The following ACSF3 variants were observed in gnomAD, a reference collection of about 807,000 sequenced individuals.
ACSF3 encodes malonate--CoA ligase ACSF3, mitochondrial.
ACSF3 carries 78 observed loss-of-function variants against 53.2 expected under a neutral mutation model. That is an observed-to-expected ratio of 1.47 (90% CI 1.22 to 1.77). The LOEUF is 1.77. Ranked by LOEUF, ACSF3 falls within the 40% of genes most tolerant of loss-of-function variation. The pLI, the probability that ACSF3 is intolerant of heterozygous loss-of-function variation, is 0.00. For synonymous variants in ACSF3, 414 were observed against 333.1 expected, an observed-to-expected ratio of 1.24 and a Z score of -2.65; for missense variants, 937 against 771.1, an observed-to-expected ratio of 1.22 and a Z score of -2.55.
At position 89,155,340 on chromosome 16, in the gene ACSF3, C is replaced by G. The variant is rs1567760241; in HGVS notation, c.*1133C>G. 1 of 451,870 alleles carries G rather than the reference C, an allele frequency of 2.2e-6. No individual in the cohort carries two copies. The highest frequency in any genetic ancestry group is 4.4e-6 in the Non-Finnish European group (1 of 224,910). 28.0% of individuals were successfully genotyped at this position (451,870 alleles called of 1,614,324 possible). ...GAGTGTGCCGGGCAGGAGGCCAGCC[C>G]CATCTCAGGCTCACGTGCCTCTGAC... On this transcript the variant is annotated 3_prime_UTR_variant, in exon 11 of 11. Coordinates refer to ENST00000614302, the MANE Select transcript of ACSF3 (RefSeq NM_001243279.3).
chr16:89,144,171 A>C (rs556196728), intron 8 of ACSF3, among the ~76,000 whole-genome samples: 1 of 152,200 alleles, frequency 6.6e-6, no homozygotes, highest in Non-Finnish European at 1.5e-5. Context: ...ACAGGCTCTG[A>C]GGCTGCAGCC....
At chr16:89,094,484 C>A (rs1359090616) in intron 1 of ACSF3, among the ~76,000 whole-genome samples, 1 of 152,166 alleles carries the variant, frequency 6.6e-6, no homozygotes, top group Non-Finnish European at 1.5e-5. Flanking sequence ...GACGTGCGGC[C>A]GGCCGTGAAG....
chr16:89,151,094 C>T (rs769916386), intron 10 of ACSF3: 18 of 1,263,154 alleles, frequency 1.4e-5, no homozygotes, highest in South Asian at 1.1e-4. Flanking sequence ...AACGAAACCT[C>T]GCCTCAGGCA....
intron 2 of ACSF3, 51 bp from the exon 3 acceptor site, chr16:89,100,610 CG>C (rs2094233201): frequency 1.3e-6 from 2 of 1,524,742 alleles, no homozygotes; most frequent in Admixed American, 2.0e-5. Context: ...GTCTTGGCCA[CG>C]TTTGGATGGG....
At chr16:89,116,732 C>G (rs1905181847) in intron 6 of ACSF3, among the ~76,000 whole-genome samples, 1 of 152,142 alleles carries the variant, frequency 6.6e-6, no homozygotes, top group East Asian at 1.9e-4. Context: ...ATCCTAGTCT[C>G]AGACCCCAGG....
rs1914456722 is a variant in ACSF3 at position 89,154,164 on chromosome 16, A to G, written c.1688A>G (p.Lys563Arg). 2 of 1,613,604 alleles carry G rather than the reference A, an allele frequency of 1.2e-6. No individual in the cohort carries two copies. The highest frequency in any genetic ancestry group is 4.5e-5 in the East Asian group (2 of 44,870). Residue 563 changes from lysine (K) to arginine (R), a missense_variant, in exon 11 of 11, where the codon AAG becomes AGG. Transcript: ENST00000614302. ...GAGATCCCGCGGAACCAGATGGGCA[A>G]GATTGACAAGAAGGCGCTCATCAGG... is the stretch of plus-strand genomic sequence containing the variant. ...VEEIPRNQMG[K>R]IDKKALIRHF...
At chr16:89,113,978 G>A (rs556437434) in intron 5 of ACSF3, 3 of 362,406 alleles carry the variant, frequency 8.3e-6, no homozygotes, top group South Asian at 6.4e-5. Context: ...CAGCTCCGTG[G>A]TCGGCAGCTG....
chr16:89,120,698 C>T (rs1906418401), intron 6 of ACSF3, 103 bp from the exon 7 acceptor site: 9 of 1,114,678 alleles, frequency 8.1e-6, no homozygotes, highest in Middle Eastern at 1.9e-4. Context: ...GACTCCCGCA[C>T]GTGGCACACG....
At chr16:89,117,444 G>A (rs550626160) in intron 6 of ACSF3, among the ~76,000 whole-genome samples, 18 of 152,288 alleles carry the variant, frequency 1.2e-4, no homozygotes, top group African/African-American at 4.3e-4. Flanking sequence ...AGGCTGAGAA[G>A]CTGAAATCAG....
intron 4 of ACSF3, among the ~76,000 whole-genome samples, chr16:89,108,009 T>C (rs1976219410): frequency 6.6e-6 from 1 of 152,188 alleles, no homozygotes; most frequent in African/African-American, 2.4e-5. Context: ...CAAAAGGCAC[T>C]TCTTACATGG....
At chr16:89,094,256 C>T (rs1487684910) in intron 1 of ACSF3, among the ~76,000 whole-genome samples, 2 of 152,084 alleles carry the variant, frequency 1.3e-5, no homozygotes, top group Non-Finnish European at 2.9e-5. Context: ...GTGATACCGT[C>T]GAGCCGGCGG....
rs1285937344 is a variant in ACSF3, at chr16:89,155,495, T to C, written c.*1288T>C. 4.4e-6 allele frequency: 2 copies of C among 454,024 alleles called. No individual in the cohort carries two copies. The highest frequency in any genetic ancestry group is 4.0e-5 in the African/African-American group (2 of 50,016). The allele number at this position is 454,024 out of a possible 1,614,324, so 28.1% of individuals were successfully genotyped here. A position where few individuals can be genotyped will look rare whatever the true frequency, so the allele number is the denominator to read the frequency against. On this transcript the variant is annotated 3_prime_UTR_variant, in exon 11 of 11. Transcript: ENST00000614302. ...ACAGAGCAGCGTCCCAGCCCTGTTT[T>C]CCAGGACTGGTGGGTGCCCCAGTCC...
chr16:89,142,299 G>C (rs905767806), intron 8 of ACSF3, among the ~76,000 whole-genome samples: 9 of 152,140 alleles, frequency 5.9e-5, no homozygotes, highest in African/African-American at 9.7e-5. Context: ...GGCAGAGGCA[G>C]CCAGGCCCAG....
chr16:89,111,966 T>C lies in ACSF3; in HGVS notation c.823-126T>C, dbSNP rs931557508. ...GGGGTCAGAGTTTGAGGCACCCCTT[T>C]TAGAAGGGAGGCGCTGCAGACTCTT... On this transcript the variant is annotated intron_variant, in intron 4 of 10. Coordinates refer to ENST00000614302, the MANE Select transcript of ACSF3 (RefSeq NM_001243279.3). 2.2e-5 allele frequency: 21 copies of C among 943,716 alleles called. No individual in the cohort carries two copies. The Admixed American group carries it at 3.6e-4, about 16-fold the overall frequency. 58.5% of individuals were successfully genotyped at this position (943,716 alleles called of 1,614,324 possible).
chr16:89,128,745 G>T (rs1016760394), intron 7 of ACSF3, among the ~76,000 whole-genome samples: 2 of 152,056 alleles, frequency 1.3e-5, no homozygotes, highest in African/African-American at 4.8e-5. Flanking sequence ...GACGCACTTG[G>T]TATATTTCAA....
chr16:89,108,633 C>T (rs143683520), intron 4 of ACSF3, among the ~76,000 whole-genome samples: 172 of 152,270 alleles, frequency 1.1e-3, no homozygotes, highest in Non-Finnish European at 2.0e-3. Context: ...GCAAATGGGG[C>T]GTGTCACACT....
rs1018110896 is a variant in ACSF3, at chr16:89,136,495, G to C, written c.1366+3233G>C. On this transcript the variant is annotated intron_variant, in intron 8 of 10. Transcript: ENST00000614302. ...CACAGCTGCCGCTCCTGCCGGGAGAGCATGATATTAAATAGAAATCAGGAG... is the reference window on the plus strand; with the variant it reads ...CACAGCTGCCGCTCCTGCCGGGAGACCATGATATTAAATAGAAATCAGGAG... 11 of 1,223,846 alleles carry C rather than the reference G, an allele frequency of 9.0e-6. No individual in the cohort carries two copies. The Admixed American group carries it at 1.6e-4, about 18-fold the overall frequency. 75.8% of individuals were successfully genotyped at this position (1,223,846 alleles called of 1,614,324 possible).
intron 4 of ACSF3, among the ~76,000 whole-genome samples, chr16:89,111,151 C>T (rs762233436): frequency 6.6e-6 from 1 of 152,218 alleles, no homozygotes; most frequent in East Asian, 1.9e-4. Context: ...TCTGGTGATT[C>T]GGACGTTTGG....
chr16:89,121,060 G>A, intron 7 of ACSF3, 147 bp downstream of exon 7: 1 of 705,092 alleles, frequency 1.4e-6, no homozygotes, highest in Non-Finnish European at 2.4e-6. Context: ...GCTGGCTGGT[G>A]TTGCAAGGGC....
Sources: allele counts gnomAD v4.1 joint callset (sites outside exome capture counted in the v4.1 genomes callset), GRCh38; gene constraint gnomAD v4.1.1; transcripts MANE v1.5; gene names NCBI Gene and HGNC (gene_info 2026-07-23, HGNC 2026-07-21).